STAG1: variants seen among roughly 807,000 people sequenced by gnomAD.
The protein encoded by STAG1 is STAG1 cohesin complex component, also known as cohesin subunit SA-1.
A neutral mutation model predicts 170.9 loss-of-function variants in STAG1; 26 were observed. The ratio of observed to expected loss-of-function variants is 0.15; its 90% CI spans 0.11 to 0.21. STAG1 has a LOEUF of 0.21. Among genes scored for constraint, STAG1 ranks in the 10% least tolerant of loss-of-function variants. The pLI, the probability that STAG1 is intolerant of heterozygous loss-of-function variation, is 1.00. For synonymous variants in STAG1, 514 were observed against 497.7 expected (o/e 1.03, Z -0.44); for missense variants, 964 against 1,509.5 (o/e 0.64, Z 5.99).
intron 4 of STAG1, among the ~76,000 whole-genome samples, chr3:136,603,008 C>T (rs1444732380): frequency 6.6e-6 from 1 of 152,064 alleles, no homozygotes; most frequent in Admixed American, 6.5e-5. Context: ...CACCTCCTTC[C>T]CTGCCCACAC....
chr3:136,510,614 T>C (rs1305199432), intron 7 of STAG1, among the ~76,000 whole-genome samples: 1 of 136,866 alleles, frequency 7.3e-6, no homozygotes, highest in African/African-American at 2.7e-5. Flanking sequence ...GATGTCTTTG[T>C]TTTTTTTTTT....
chr3:136,378,653 G>C (rs1307703501), intron 22 of STAG1, among the ~76,000 whole-genome samples: 1 of 152,168 alleles, frequency 6.6e-6, no homozygotes. Context: ...GGGTGACAGA[G>C]CAAGACCCTG....
chr3:136,626,847 A>G lies in STAG1; in HGVS notation c.30-3599T>C, dbSNP rs1002613279. On this transcript the variant is annotated intron_variant, in intron 2 of 33. Transcript: ENST00000383202. ...ATCTGAAAACCCGATAAACTTGTCC[A>G]CAGTCGCACACTTAGTAAGTGGCAG... 1.4e-4 allele frequency among the ~76,000 whole-genome samples: 22 copies of G among 152,248 alleles called. 1 individual carries two copies. Among genetic ancestry groups the G allele is most frequent in the Non-Finnish European group, 1.5e-5 (1 of 68,046 alleles).
In STAG1 at chr3:136,474,900, T is replaced by C. The variant is rs117337973; in HGVS notation, c.1027-1263A>G. On this transcript the variant is annotated intron_variant, in intron 10 of 33. Transcript: ENST00000383202. ...TAGACCCCTAGGAGGTTATGCTCCA[T>C]CTTTCCTCTCCCAACCACTTCCCTT... Among the ~76,000 whole-genome samples, 302 of 152,244 alleles carry C rather than the reference T, an allele frequency of 2.0e-3. 8 individuals are homozygous for C. In the East Asian group the frequency reaches 0.048, roughly 24 times the overall value.
chr3:136,369,041 T>C, intron 24 of STAG1, 67 bp downstream of exon 24: 1 of 1,348,086 alleles, frequency 7.4e-7, no homozygotes, highest in African/African-American at 1.5e-5. Context: ...TGAATTTGTT[T>C]CTTTTCTCCT....
At chr3:136,486,307 T>A (rs934427930) in intron 9 of STAG1, among the ~76,000 whole-genome samples, 1 of 152,206 alleles carries the variant, frequency 6.6e-6, no homozygotes, top group Non-Finnish European at 1.5e-5. Context: ...GTGTTTCACA[T>A]CCTTGCCTGA....
intron 1 of STAG1, among the ~76,000 whole-genome samples, chr3:136,687,387 T>C (rs1192363346): frequency 7.2e-5 from 11 of 152,096 alleles, no homozygotes; most frequent in Non-Finnish European, 1.6e-4. Flanking sequence ...ATCTGTTAAA[T>C]TTTTTTTCTT....
intron 4 of STAG1, among the ~76,000 whole-genome samples, chr3:136,578,554 T>A (rs901530244): frequency 1.3e-5 from 2 of 152,244 alleles, no homozygotes; most frequent in African/African-American, 2.4e-5. Context: ...CTATTCCAAG[T>A]ACATACAATA....
At chr3:136,354,222 G>A (rs772247414) in intron 28 of STAG1, among the ~76,000 whole-genome samples, 1 of 152,146 alleles carries the variant, frequency 6.6e-6, no homozygotes, top group Non-Finnish European at 1.5e-5. Context: ...AGCCAAAAAA[G>A]GAGGAAGGAA....
In STAG1 at chr3:136,422,583, A is replaced by T. The variant is rs754373019; in HGVS notation, c.1864T>A (p.Phe622Ile). 3.7e-6 allele frequency: 6 copies of T among 1,613,888 alleles called. No individual in the cohort carries two copies. The highest frequency in any genetic ancestry group is 1.1e-5 in the South Asian group (1 of 91,064). ...HLDALLKQIKFVVEKHVESDV... is the reference protein window; with the variant it reads ...HLDALLKQIKIVVEKHVESDV... ...GATTCTACGTGTTTCTCCACAACAAACTTAATCTGTTTTAATAAAGCATCC... is the reference window on the plus strand; with the variant it reads ...GATTCTACGTGTTTCTCCACAACAATCTTAATCTGTTTTAATAAAGCATCC... Residue 622 changes from phenylalanine to isoleucine, a missense_variant, in exon 19 of 34, where the codon TTT becomes ATT. Physicochemically the swap from Phe to Ile is conservative, Grantham distance 21. Coordinates refer to ENST00000383202, the MANE Select transcript of STAG1 (RefSeq NM_005862.3).
chr3:136,342,000 T>C (rs1048474037), intron 30 of STAG1, among the ~76,000 whole-genome samples: 1 of 152,136 alleles, frequency 6.6e-6, no homozygotes, highest in East Asian at 1.9e-4. Context: ...CATGGAAGTG[T>C]GTGTAAACAT....
chr3:136,562,095 A>G (rs1183963747), intron 5 of STAG1, among the ~76,000 whole-genome samples: 1 of 152,212 alleles, frequency 6.6e-6, no homozygotes, highest in Non-Finnish European at 1.5e-5. Context: ...GTTCCAAAGC[A>G]TAAGATATAA....
intron 1 of STAG1, among the ~76,000 whole-genome samples, chr3:136,669,983 A>G (rs1164193331): frequency 6.6e-6 from 1 of 152,228 alleles, no homozygotes; most frequent in African/African-American, 2.4e-5. Context: ...TATATCACAT[A>G]GTTTTCAGGA....
chr3:136,738,334 T>C (rs2107947890), intron 1 of STAG1, among the ~76,000 whole-genome samples: 1 of 152,068 alleles, frequency 6.6e-6, no homozygotes, highest in African/African-American at 2.4e-5. Flanking sequence ...CTACTAAAAA[T>C]ACAAAAATTA....
intron 9 of STAG1, among the ~76,000 whole-genome samples, chr3:136,499,152 C>G (rs531863946): frequency 3.6e-4 from 55 of 152,212 alleles, no homozygotes; most frequent in African/African-American, 1.1e-3. Flanking sequence ...GCAGTTCAAA[C>G]CCATGTTGTT....
At chr3:136,437,823 CTTTAA>C (rs1453186550) in intron 15 of STAG1, among the ~76,000 whole-genome samples, 1 of 152,090 alleles carries the variant, frequency 6.6e-6, no homozygotes. Context: ...TATCCACAAT[CTTTAA>C]CTCAGCCATG....
At chr3:136,748,924 A>ATTTTTTTTTTTTTTT (rs1444240633) in intron 1 of STAG1, among the ~76,000 whole-genome samples, 1 of 152,208 alleles carries the variant, frequency 6.6e-6, no homozygotes, top group African/African-American at 2.4e-5. Flanking sequence ...AAGGTGAGGA[A>ATTTTTTTTTTTTTTT]AAGGCAATAT....
intron 2 of STAG1, among the ~76,000 whole-genome samples, chr3:136,629,962 G>A (rs948699608): frequency 1.3e-5 from 2 of 152,148 alleles, no homozygotes; most frequent in African/African-American, 4.8e-5. Context: ...TTGGGAGGCT[G>A]AGGTGGGCAG....
chr3:136,684,020 AG>A (rs1159923924), intron 1 of STAG1, among the ~76,000 whole-genome samples: 6 of 152,242 alleles, frequency 3.9e-5, no homozygotes, highest in Admixed American at 1.3e-4. Flanking sequence ...CTCTGATGAA[AG>A]AAATTAAAGA....
Sources: allele counts gnomAD v4.1 joint callset (sites outside exome capture counted in the v4.1 genomes callset), GRCh38; gene constraint gnomAD v4.1.1; transcripts MANE v1.5; gene names NCBI Gene and HGNC (gene_info 2026-07-23, HGNC 2026-07-21).